The following TMEM247 variants were observed in gnomAD, a reference collection of about 807,000 sequenced individuals.
The protein encoded by TMEM247 is transmembrane protein ENSP00000343375.
A neutral mutation model predicts 20.7 loss-of-function variants in TMEM247; 23 were observed. The ratio of observed to expected loss-of-function variants is 1.11; its 90% CI spans 0.80 to 1.57. The LOEUF is 1.57. Among genes scored for constraint, TMEM247 ranks in the 40% most tolerant of loss-of-function variants. The pLI is 0.00. For synonymous variants in TMEM247, 106 were observed against 111.9 expected (o/e 0.95, Z 0.33); for missense variants, 354 against 283.8 (o/e 1.25, Z -1.78).
exon 2 of TMEM247, chr2:46,480,497 G>A: frequency 6.4e-7 from 1 of 1,551,680 alleles, no homozygotes; most frequent in Non-Finnish European, 8.7e-7. Context: ...CGCTTAAATC[G>A]CTGTCCCCCA....
At chr2:46,484,123 T>C (rs943663682) in intron 2 of TMEM247, 121 bp from the exon 3 acceptor site, 42 of 894,210 alleles carry the variant, frequency 4.7e-5, no homozygotes, top group Non-Finnish European at 6.9e-5. Flanking sequence ...CTATTACCCT[T>C]TCTTTAGGTG....
intron 1 of TMEM247, 60 bp downstream of exon 1, chr2:46,479,762 T>G (rs1318888588): frequency 1.6e-6 from 2 of 1,223,338 alleles, no homozygotes; most frequent in Non-Finnish European, 2.4e-6. Context: ...GCAAGAATAC[T>G]GTAGGAACAC....
intron 2 of TMEM247, 137 bp from the exon 3 acceptor site, chr2:46,484,107 T>C: frequency 1.3e-6 from 1 of 765,424 alleles, no homozygotes; most frequent in Non-Finnish European, 2.0e-6. Context: ...ATTTTGGAAA[T>C]GGGCACTATT....
At chr2:46,480,256 G>A (rs961230185) in intron 1 of TMEM247, 149 bp from the exon 2 acceptor site, 3 of 938,018 alleles carry the variant, frequency 3.2e-6, no homozygotes, top group South Asian at 1.9e-5. Context: ...CTCCCGGTAA[G>A]AGCACTTCTA....
Position 46,479,789 on chromosome 2 carries a change from G to A in TMEM247, c.117+87G>A, listed in dbSNP as rs376916274. 3.0e-5 allele frequency: 29 copies of A among 981,790 alleles called. No individual in the cohort carries two copies. In the East Asian group the frequency reaches 5.3e-4, roughly 18 times the overall value. The allele number at this position is 981,790 out of a possible 1,614,324, so 60.8% of individuals were successfully genotyped here. A position where few individuals can be genotyped will look rare whatever the true frequency, so the allele number is the denominator to read the frequency against. On this transcript the variant is annotated intron_variant, in intron 1 of 2. Transcript: ENST00000434431. ...TAGGAACACATGCTTTGAGCTTCCA[G>A]ACAACTGCCAAGAACATCAGGTGAC... is the stretch of plus-strand genomic sequence containing the variant.
At chr2:46,480,177 C>T (rs1006145887) in intron 1 of TMEM247, among the ~76,000 whole-genome samples, 1 of 151,324 alleles carries the variant, frequency 6.6e-6, no homozygotes, top group Non-Finnish European at 1.5e-5. Context: ...CCAGTGCCTC[C>T]ACTTGCAACT....
chr2:46,480,436 A>G (rs1489144845), exon 2 of TMEM247: 4 of 1,550,958 alleles, frequency 2.6e-6, no homozygotes, highest in African/African-American at 1.4e-5. Context: ...GACTCCTCCT[A>G]TGACTACTTG....
At chr2:46,481,496 T>A (rs1686888490) in intron 2 of TMEM247, among the ~76,000 whole-genome samples, 1 of 152,230 alleles carries the variant, frequency 6.6e-6, no homozygotes, top group African/African-American at 2.4e-5. Flanking sequence ...AGTCCTGGAT[T>A]AAAATGCCAG....
chr2:46,482,607 G>C (rs1013135150), intron 2 of TMEM247, among the ~76,000 whole-genome samples: 1 of 152,196 alleles, frequency 6.6e-6, no homozygotes, highest in African/African-American at 2.4e-5. Context: ...GGTTTCACAA[G>C]CACTTTCTTT....
chr2:46,482,407 A>G (rs953975182), intron 2 of TMEM247, among the ~76,000 whole-genome samples: 5 of 152,232 alleles, frequency 3.3e-5, no homozygotes, highest in African/African-American at 1.2e-4. Context: ...AACTATTTAA[A>G]GCAGATATGA....
chr2:46,483,316 A>G (rs7588586), intron 2 of TMEM247, among the ~76,000 whole-genome samples: 76,284 of 151,944 alleles, frequency 0.5, 19,403 homozygotes, highest in East Asian at 0.62. Flanking sequence ...TAGCCAGACA[A>G]CTCAAGCTGC....
rs921318180 is a variant in TMEM247 at position 46,480,782 on chromosome 2, G to A, written c.477+18G>A. On this transcript the variant is annotated intron_variant, in intron 2 of 2. Transcript: ENST00000434431. ...CCCGCCTGGTGGGTGACAAGGAACGGGGCACTGGGAGGAGGGAGGCCTGGA... is the reference window on the plus strand; with the variant it reads ...CCCGCCTGGTGGGTGACAAGGAACGAGGCACTGGGAGGAGGGAGGCCTGGA... 8 of 1,534,150 alleles carry A rather than the reference G, an allele frequency of 5.2e-6. No homozygotes were observed. In the South Asian group the frequency reaches 7.4e-5, roughly 14 times the overall value.
chr2:46,484,165 G>T, intron 2 of TMEM247, 79 bp from the exon 3 acceptor site: 3 of 1,280,230 alleles, frequency 2.3e-6, no homozygotes, highest in Non-Finnish European at 3.2e-6. Context: ...ATACAGGCAG[G>T]GTCAGAGCAG....
chr2:46,480,701 G>T, exon 2 of TMEM247: 4 of 1,550,842 alleles, frequency 2.6e-6, no homozygotes, highest in Non-Finnish European at 3.5e-6. Flanking sequence ...TGGAGCAGCT[G>T]CAGCGGGAGC....
intron 2 of TMEM247, among the ~76,000 whole-genome samples, chr2:46,483,235 C>G (rs1572685748): frequency 6.6e-6 from 1 of 152,156 alleles, no homozygotes; most frequent in African/African-American, 2.4e-5. Context: ...TTGATACTTT[C>G]TACAGTTAAA....
chr2:46,484,409 A>T lies in TMEM247; in HGVS notation c.643A>T (p.Lys215Ter). The stretch of plus-strand genomic sequence containing the variant: ...TGCAGCCATTTTGCTCTGTTTGATT[A>T]AAACTTTCTGGTCATACTTCCAAGT... Residue 215 changes from lysine to a stop codon, truncating the protein, a stop_gained, in exon 3 of 3, where the codon AAA becomes TAA. Coordinates refer to ENST00000434431, the Ensembl canonical transcript of TMEM247. LOFTEE classifies it high-confidence loss of function. 1.3e-6 allele frequency: 2 copies of T among 1,551,740 alleles called. No individual in the cohort carries two copies. Among genetic ancestry groups the T allele is most frequent in the Non-Finnish European group, 1.7e-6 (2 of 1,146,820 alleles).
chr2:46,480,266 A>T (rs1686853072), intron 1 of TMEM247, 139 bp from the exon 2 acceptor site: 1 of 1,019,264 alleles, frequency 9.8e-7, no homozygotes, highest in Non-Finnish European at 1.4e-6. Flanking sequence ...GAGCACTTCT[A>T]ATAAGAATTC....
At chr2:46,481,114 GAA>G (rs1053994648) in intron 2 of TMEM247, among the ~76,000 whole-genome samples, 3 of 152,090 alleles carry the variant, frequency 2.0e-5, no homozygotes, top group African/African-American at 7.2e-5. Context: ...TAGCTTCAAG[GAA>G]AAGTCTTCAA....
chr2:46,483,792 G>A (rs1686935866), intron 2 of TMEM247, among the ~76,000 whole-genome samples: 1 of 152,060 alleles, frequency 6.6e-6, no homozygotes, highest in African/African-American at 2.4e-5. Context: ...CTTTTGTTTT[G>A]TTTTATTTTT....
Sources: allele counts gnomAD v4.1 joint callset (sites outside exome capture counted in the v4.1 genomes callset), GRCh38; gene constraint gnomAD v4.1.1; transcripts MANE v1.5; gene names NCBI Gene and HGNC (gene_info 2026-07-23, HGNC 2026-07-21).